Variants in GALNT13 observed in about 807,000 individuals in gnomAD.
The protein encoded by GALNT13 is polypeptide N-acetylgalactosaminyltransferase 13, also known as UDP-GalNAc:polypeptide N-acetylgalactosaminyltransferase 13.
Under a neutral mutation model 64.2 loss-of-function variants are expected in GALNT13, and 28 were observed. The ratio of observed to expected loss-of-function variants is 0.44; its 90% confidence interval spans 0.32 to 0.60. The LOEUF is 0.60. Ranked by LOEUF, GALNT13 falls within the 20% of genes least tolerant of loss-of-function variation. The pLI is 0.05. For missense variants in GALNT13, 577 were observed against 669.8 expected, an observed-to-expected ratio of 0.86 and a Z score of 1.53; for synonymous variants, 214 against 224.6, an observed-to-expected ratio of 0.95 and a Z score of 0.42.
chr2:153,156,240 T>G, the GALNT13 span, among the ~76,000 whole-genome samples: 2 of 152,112 alleles, frequency 1.3e-5, no homozygotes, highest in South Asian at 2.1e-4. Context: ...CTATAGATAT[T>G]CATAAGGTTC....
At chr2:153,224,911 A>G in the GALNT13 span, among the ~76,000 whole-genome samples, 3 of 152,232 alleles carry the variant, frequency 2.0e-5, no homozygotes, top group Non-Finnish European at 4.4e-5. Flanking sequence ...CCAAAAAGTA[A>G]CATCAGTGAT....
At chr2:153,748,597 T>C in the GALNT13 span, among the ~76,000 whole-genome samples, 2 of 152,238 alleles carry the variant, frequency 1.3e-5, no homozygotes, top group South Asian at 4.1e-4. Flanking sequence ...TATTCAAATG[T>C]TTTGCCAATT....
the GALNT13 span, among the ~76,000 whole-genome samples, chr2:153,608,365 G>A: frequency 5.3e-5 from 8 of 152,098 alleles, no homozygotes; most frequent in Non-Finnish European, 7.4e-5. Context: ...GTGGCAGAGT[G>A]TGTTGAGAAA....
the GALNT13 span, among the ~76,000 whole-genome samples, chr2:153,093,702 TGGAA>T: frequency 6.6e-6 from 1 of 152,214 alleles, no homozygotes; most frequent in African/African-American, 2.4e-5. Flanking sequence ...AGAATGAGTT[TGGAA>T]GTATTCACTC....
chr2:154,193,578 G>A lies in GALNT13; in HGVS notation c.312-48452G>A, dbSNP rs184443307. On this transcript the variant is annotated intron_variant, in intron 4 of 12. Transcript: ENST00000392825. ...CAGATTCCTGGCCTGATCAGTGACA[G>A]CCTTGTCCTGACAGAGGCTGATGAA... Among the ~76,000 whole-genome samples the A allele has an allele frequency of 1.4e-3, 217 of 152,324 alleles. 1 individual carries two copies. Among genetic ancestry groups the A allele is most frequent in the Middle Eastern group, 0.01 (3 of 294 alleles).
At chr2:153,556,466 C>T in the GALNT13 span, among the ~76,000 whole-genome samples, 6 of 152,034 alleles carry the variant, frequency 3.9e-5, no homozygotes, top group Admixed American at 3.9e-4. Context: ...TTTCTGTTGA[C>T]GATATAATAC....
the GALNT13 span, among the ~76,000 whole-genome samples, chr2:153,368,736 C>A: frequency 7.9e-5 from 12 of 152,088 alleles, no homozygotes; most frequent in East Asian, 2.3e-3. Context: ...GGATACTTCA[C>A]CATTCTTCTG....
the GALNT13 span, among the ~76,000 whole-genome samples, chr2:153,670,073 C>T: frequency 6.4e-3 from 977 of 152,312 alleles, 8 homozygotes; most frequent in African/African-American, 0.022. Flanking sequence ...TGCAGTTCAG[C>T]AAGGCCTAGT....
the GALNT13 span, among the ~76,000 whole-genome samples, chr2:153,399,295 G>C: frequency 6.6e-6 from 1 of 152,126 alleles, no homozygotes; most frequent in Non-Finnish European, 1.5e-5. Flanking sequence ...CTCTGTTTTG[G>C]TGGCAGTACC....
At chr2:154,189,223 G>A (rs1318371367) in intron 4 of GALNT13, among the ~76,000 whole-genome samples, 2 of 152,008 alleles carry the variant, frequency 1.3e-5, no homozygotes, top group African/African-American at 4.8e-5. Flanking sequence ...TATAGAGATG[G>A]AATGGAGATG....
At chr2:154,114,672 A>G (rs1703186164) in intron 3 of GALNT13, among the ~76,000 whole-genome samples, 1 of 152,128 alleles carries the variant, frequency 6.6e-6, no homozygotes, top group African/African-American at 2.4e-5. Context: ...TTGAGGGGCC[A>G]TGTTTCTCTG....
chr2:153,956,672 C>T (rs1166106753), intron 3 of GALNT13, among the ~76,000 whole-genome samples: 1 of 151,878 alleles, frequency 6.6e-6, no homozygotes, highest in Non-Finnish European at 1.5e-5. Context: ...TCACTGGTTC[C>T]CTCATATTTT....
intron 3 of GALNT13, among the ~76,000 whole-genome samples, chr2:154,097,002 A>ATAAG (rs1234029943): frequency 1.3e-5 from 1 of 78,116 alleles, no homozygotes; most frequent in Admixed American, 1.0e-4. Context: ...GAATAAGAAA[A>ATAAG]TAAGTAAGTA....
At chr2:153,340,532 G>A in the GALNT13 span, among the ~76,000 whole-genome samples, 1 of 152,036 alleles carries the variant, frequency 6.6e-6, no homozygotes, top group African/African-American at 2.4e-5. Flanking sequence ...GTGTGTGCCT[G>A]TAATCCCAGC....
chr2:153,268,775 C>T, the GALNT13 span, among the ~76,000 whole-genome samples: 1 of 152,318 alleles, frequency 6.6e-6, no homozygotes, highest in Admixed American at 6.5e-5. Context: ...CTTCTGTGCA[C>T]CTGCAGGCCC....
At chr2:154,163,975 A>G (rs1032541345) in intron 4 of GALNT13, among the ~76,000 whole-genome samples, 2 of 152,186 alleles carry the variant, frequency 1.3e-5, no homozygotes, top group African/African-American at 4.8e-5. Context: ...GTAGGATTTC[A>G]TCTTAAAATG....
chr2:154,332,442 T>A (rs1465581688), intron 9 of GALNT13, among the ~76,000 whole-genome samples: 2 of 152,072 alleles, frequency 1.3e-5, no homozygotes, highest in African/African-American at 4.8e-5. Flanking sequence ...AAATTGAGTA[T>A]CTAACCAGGT....
chr2:153,222,327 T>TGGGGGGGGGGGG, the GALNT13 span, among the ~76,000 whole-genome samples: 1 of 95,582 alleles, frequency 1.0e-5, no homozygotes, highest in Non-Finnish European at 2.1e-5. Context: ...GGGGGGGGGG[T>TGGGGGGGGGGGG]GGGGTGGGGG....
At chr2:153,598,100 T>C in the GALNT13 span, among the ~76,000 whole-genome samples, 1 of 152,134 alleles carries the variant, frequency 6.6e-6, no homozygotes, top group Admixed American at 6.6e-5. Flanking sequence ...CGTGCATGTG[T>C]GTGTATGTAA....
Sources: gnomAD v4.1 joint callset for allele counts (sites outside exome capture counted in the v4.1 genomes callset) on GRCh38, gnomAD v4.1.1 for gene constraint, MANE v1.5 for transcripts, NCBI Gene and HGNC (gene_info 2026-07-23, HGNC 2026-07-21) for gene names.